Variants in PREB observed in about 807,000 individuals in gnomAD.
PREB encodes the protein prolactin regulatory element binding, also known as guanine nucleotide-exchange factor SEC12.
A neutral mutation model predicts 46.7 loss-of-function variants in PREB; 29 were observed. The ratio of observed to expected loss-of-function variants is 0.62; its 90% CI spans 0.46 to 0.85. The LOEUF (loss-of-function observed/expected upper bound fraction) is 0.85, where lower values mean the gene tolerates loss of function less well. PREB is among the 40% of genes least tolerant of loss of function. The probability of loss-of-function intolerance (pLI) is 0.00; values close to 1 mark genes in which losing one functional copy is unlikely to be tolerated. For synonymous variants in PREB, 224 were observed against 220.1 expected, an observed-to-expected ratio of 1.02 and a Z score of -0.16; for missense variants, 494 against 528.4, an observed-to-expected ratio of 0.93 and a Z score of 0.64.
Position 27,133,105 on chromosome 2 carries a change from G to A in PREB, c.546+12C>T, listed in dbSNP as rs1672351910. The A allele has an allele frequency of 6.2e-7, 1 of 1,613,316 alleles. No individual in the cohort carries two copies. Among genetic ancestry groups the A allele is most frequent in the East Asian group, 2.2e-5 (1 of 44,884 alleles). On this transcript the variant is annotated intron_variant, in intron 3 of 8. Transcript: ENST00000260643. ...ACTGACATTCACCCTCCCTAACCCT[G>A]CAAACCCACACCTTCCAGACACGGA... is the stretch of plus-strand genomic sequence containing the variant.
chr2:27,134,129 G>T, intron 1 of PREB, 158 bp downstream of exon 1: 1 of 985,418 alleles, frequency 1.0e-6, no homozygotes, highest in Non-Finnish European at 1.4e-6. Flanking sequence ...CTGAGTTCTC[G>T]ACTGAAATTC....
rs1201818896 is a variant in PREB, at chr2:27,133,602, C to T, written c.255G>A (p.Gly85=). 3.1e-6 allele frequency: 5 copies of T among 1,614,166 alleles called. No individual in the cohort carries two copies. The highest frequency in any genetic ancestry group is 4.2e-6 in the Non-Finnish European group (5 of 1,180,014). The stretch of plus-strand genomic sequence containing the variant: ...GCAGGAGCTGACAGTGGGCATCCTG[C>T]CCTGCAGCAAGGATGTCACCAGCCA... ...LALAGDILAA[G]QDAHCQLLRF... is the part of the protein sequence containing the mutation. The change falls in exon 2 of 9, where the codon GGG becomes GGA. Residue 85 remains glycine (G), a synonymous_variant. Transcript: ENST00000260643.
chr2:27,134,179 T>C, intron 1 of PREB, 108 bp downstream of exon 1: 1 of 1,347,582 alleles, frequency 7.4e-7, no homozygotes, highest in Non-Finnish European at 9.8e-7. Flanking sequence ...CCAACAGAAG[T>C]GGGCAGGGCC....
chr2:27,133,613 G>A lies in PREB; in HGVS notation c.244C>T (p.Leu82Phe). 1 of 1,614,194 alleles carries A rather than the reference G, an allele frequency of 6.2e-7. No homozygotes were observed. Among genetic ancestry groups the A allele is most frequent in the Non-Finnish European group, 8.5e-7 (1 of 1,180,038 alleles). Residue 82 changes from leucine to phenylalanine, a missense_variant, in exon 2 of 9, where the codon CTT becomes TTT. Transcript: ENST00000260643. ...TMNLALAGDI[L>F]AAGQDAHCQL... The stretch of plus-strand genomic sequence containing the variant: ...CAGTGGGCATCCTGCCCTGCAGCAA[G>A]GATGTCACCAGCCAGTGCCAAGTTC...
chr2:27,130,897 G>A lies in PREB; in HGVS notation c.*517C>T. The A allele has an allele frequency of 7.9e-6, 7 of 887,340 alleles. No homozygotes were observed. The highest frequency in any genetic ancestry group is 1.2e-5 in the Non-Finnish European group (7 of 589,040). The allele number at this position is 887,340 out of a possible 1,614,324, so 55.0% of individuals were successfully genotyped here. On this transcript the variant is annotated 3_prime_UTR_variant, in exon 9 of 9. Transcript: ENST00000260643. ...GCATCTTTAGGCCAGCTGGCTTAGT[G>A]CTACCCATCTGAACCCCCAGATTAC...
chr2:27,130,774 T>G lies in PREB; in HGVS notation c.*640A>C. On this transcript the variant is annotated 3_prime_UTR_variant, in exon 9 of 9. Transcript: ENST00000260643. ...AGTACCATTTGGGGTCTCAGTTCAC[T>G]CTTTCCTTGTTTATTAAATATCAAC... 1 of 1,599,860 alleles carries G rather than the reference T, an allele frequency of 6.3e-7. No individual in the cohort carries two copies. The highest frequency in any genetic ancestry group is 8.6e-7 in the Non-Finnish European group (1 of 1,167,778).
rs1672283552 is a variant in PREB, at chr2:27,131,755, G to A, written c.1076C>T (p.Pro359Leu). The A allele has an allele frequency of 6.2e-7, 1 of 1,614,014 alleles. No homozygotes were observed. Among genetic ancestry groups the A allele is most frequent in the African/African-American group, 1.3e-5 (1 of 74,922 alleles). Residue 359 changes from proline (P) to leucine (L), a missense_variant, in exon 8 of 9, where the codon CCA becomes CTA. Transcript: ENST00000260643. ...VAFLPEKGRG[P>L]ELLGSHETAL... ...AGTTTCATGGGACCCAAGGAGCTCT[G>A]GACCACGACCCTTCTCAGGTAGAAA...
chr2:27,132,151 T>TC lies in PREB; in HGVS notation c.927-70dup. The TC allele has an allele frequency of 6.2e-7, 1 of 1,608,432 alleles. No homozygotes were observed. The highest frequency in any genetic ancestry group is 8.5e-7 in the Non-Finnish European group (1 of 1,174,944). ...AGCAACCCTCATACCCCAATACCGG[T>TC]CCGTAGGGACCCAGGCAGGACTCCT... is the stretch of plus-strand genomic sequence containing the variant. On this transcript the variant is annotated intron_variant, in intron 6 of 8. Coordinates refer to ENST00000260643, the MANE Select transcript of PREB (RefSeq NM_013388.6). This position sits in a 1 kb window ranked among gnomAD's most constrained non-coding sequence, Gnocchi z 4.0.
In PREB at chr2:27,132,889, G is replaced by C; in HGVS notation, c.581C>G (p.Ala194Gly). The change falls in exon 4 of 9, where the codon GCC becomes GGC. Residue 194 changes from alanine to glycine, a missense_variant. Ala to Gly is a moderately conservative substitution (Grantham distance 60). Coordinates refer to ENST00000260643, the MANE Select transcript of PREB (RefSeq NM_013388.6). The surrounding 1 kb of genome is among the most constrained non-coding windows in gnomAD (Gnocchi z 4.0). The stretch of plus-strand genomic sequence containing the variant: ...CAGGTCTTCAATCTCCCCTTCGTGG[G>C]CTTTGAACTCCAGAACCTTCTCCAG... Reference protein sequence around the residue: ...PSLEKVLEFKAHEGEIEDLAL... With the variant: ...PSLEKVLEFKGHEGEIEDLAL... 6.2e-7 allele frequency: 1 copy of C among 1,614,044 alleles called. No homozygotes were observed. The highest frequency in any genetic ancestry group is 1.6e-4 in the Middle Eastern group (1 of 6,062).
Position 27,131,109 on chromosome 2 carries a change from G to C in PREB, c.*305C>G. ...TCTTGGGCATCTTCACATGTTTCTA[G>C]ATAAGGACAAGCTCAACTCTGGAGC... On this transcript the variant is annotated 3_prime_UTR_variant, in exon 9 of 9. Transcript: ENST00000260643. The C allele has an allele frequency of 3.9e-6, 2 of 507,614 alleles. No individual in the cohort carries two copies. Among genetic ancestry groups the C allele is most frequent in the Non-Finnish European group, 3.5e-6 (1 of 285,964 alleles). 31.4% of individuals were successfully genotyped at this position (507,614 alleles called of 1,614,324 possible).
At position 27,132,516 on chromosome 2, in the gene PREB, C is replaced by T. The variant is rs948021584; in HGVS notation, c.752+87G>A. 6.3e-6 allele frequency: 10 copies of T among 1,597,954 alleles called. No individual in the cohort carries two copies. The highest frequency in any genetic ancestry group is 8.5e-6 in the Non-Finnish European group (10 of 1,170,722). ...CTGGGGTAACACTCAACAAGTTCCTCCCCAGCTCTCCCATCCCCAGTCTTT... is the reference window on the plus strand; with the variant it reads ...CTGGGGTAACACTCAACAAGTTCCTTCCCAGCTCTCCCATCCCCAGTCTTT... On this transcript the variant is annotated intron_variant, in intron 5 of 8. Transcript: ENST00000260643. The surrounding 1 kb of genome is among the most constrained non-coding windows in gnomAD (Gnocchi z 4.0).
chr2:27,131,060 G>A lies in PREB; in HGVS notation c.*354C>T, dbSNP rs1672239554. On this transcript the variant is annotated 3_prime_UTR_variant, in exon 9 of 9. Coordinates refer to ENST00000260643, the MANE Select transcript of PREB (RefSeq NM_013388.6). ...GGGAGGAGGAGAAACTGTTTCTGCA[G>A]GAAGGACAGCAGTGCCTCCAGGCTC... is the stretch of plus-strand genomic sequence containing the variant. 1.9e-6 allele frequency: 1 copy of A among 517,866 alleles called. No individual in the cohort carries two copies. The highest frequency in any genetic ancestry group is 3.5e-6 in the Non-Finnish European group (1 of 288,394). The allele number at this position is 517,866 out of a possible 1,614,324, so 32.1% of individuals were successfully genotyped here. A position where few individuals can be genotyped will look rare whatever the true frequency, so the allele number is the denominator to read the frequency against.
At position 27,134,614 on chromosome 2, in the gene PREB, A is replaced by C. The variant is rs1049764373; in HGVS notation, c.-193T>G. The C allele has an allele frequency of 1.5e-6, 2 of 1,308,300 alleles. No homozygotes were observed. The highest frequency in any genetic ancestry group is 3.1e-5 in the East Asian group (1 of 32,020). The allele number at this position is 1,308,300 out of a possible 1,614,324, so 81.0% of individuals were successfully genotyped here. A position where few individuals can be genotyped will look rare whatever the true frequency, so the allele number is the denominator to read the frequency against. On this transcript the variant is annotated 5_prime_UTR_variant, in exon 1 of 9. Transcript: ENST00000260643. ...CCGAGCCTCAGCTCGGCTCCGTCCA[A>C]GTCGGTCTCGCAGACGCGCACTGCG...
chr2:27,133,577 G>T lies in PREB; in HGVS notation c.280C>A (p.Arg94Ser). 6.2e-7 allele frequency: 1 copy of T among 1,614,064 alleles called. No individual in the cohort carries two copies. The highest frequency in any genetic ancestry group is 1.1e-5 in the South Asian group (1 of 91,076). Reference sequence around the variant, plus strand: ...CCCTGCTGTTGATGTGCCTGGAAGCGCAGGAGCTGACAGTGGGCATCCTGC... The same window carrying T: ...CCCTGCTGTTGATGTGCCTGGAAGCTCAGGAGCTGACAGTGGGCATCCTGC... ...AGQDAHCQLLRFQAHQQQGNK... is the reference protein window; with the variant it reads ...AGQDAHCQLLSFQAHQQQGNK... Residue 94 changes from arginine (R) to serine (S), a missense_variant, in exon 2 of 9, where the codon CGC (arginine) becomes AGC (serine). By Grantham distance (110) the Arg-to-Ser change is moderately radical. Transcript: ENST00000260643.
In PREB at chr2:27,131,327, G is replaced by A. The variant is rs556040021; in HGVS notation, c.*87C>T. On this transcript the variant is annotated 3_prime_UTR_variant, in exon 9 of 9. Transcript: ENST00000260643. Reference sequence around the variant, plus strand: ...CAGCGGCAACCTCAGCTGTGGACCCGAATGGAGTGAGCAAAGGGAGTCCAG... The same window carrying A: ...CAGCGGCAACCTCAGCTGTGGACCCAAATGGAGTGAGCAAAGGGAGTCCAG... 26 of 1,258,450 alleles carry A rather than the reference G, an allele frequency of 2.1e-5. No homozygotes were observed. Among genetic ancestry groups the A allele is most frequent in the South Asian group, 1.7e-4 (13 of 77,352 alleles). 78.0% of individuals were successfully genotyped at this position (1,258,450 alleles called of 1,614,324 possible).
In PREB at chr2:27,132,272, G is replaced by A; in HGVS notation, c.884C>T (p.Thr295Ile). 1.2e-6 allele frequency: 2 copies of A among 1,614,160 alleles called. No individual in the cohort carries two copies. The highest frequency in any genetic ancestry group is 3.3e-5 in the Admixed American group (2 of 60,022). ...WDGSNFLPLR[T>I]KSCGHEVVSC... Reference sequence around the variant, plus strand: ...GACGACTTCATGGCCACAGGACTTGGTCCGAAGGGGCAAGAAGTTGGAGCC... The same window carrying A: ...GACGACTTCATGGCCACAGGACTTGATCCGAAGGGGCAAGAAGTTGGAGCC... Residue 295 changes from threonine (T) to isoleucine (I), a missense_variant, in exon 6 of 9, where the codon ACC (threonine) becomes ATC (isoleucine). Thr to Ile is a moderately conservative substitution (Grantham distance 89, BLOSUM62 -1). Transcript: ENST00000260643. The surrounding 1 kb of genome is among the most constrained non-coding windows in gnomAD (Gnocchi z 4.0).
Position 27,132,928 on chromosome 2 carries a change from A to G in PREB, c.547-5T>C. ...AACCTTCTCCAGGCTGGGCACCTGT[A>G]GCCAAACAACCACCATGGTTAACTC... is the stretch of plus-strand genomic sequence containing the variant. On this transcript the variant is annotated splice_region_variant and splice_polypyrimidine_tract_variant and intron_variant, in intron 3 of 8. Coordinates refer to ENST00000260643, the MANE Select transcript of PREB (RefSeq NM_013388.6). This position sits in a 1 kb window ranked among gnomAD's most constrained non-coding sequence, Gnocchi z 4.0. The G allele has an allele frequency of 1.2e-6, 2 of 1,613,928 alleles. No individual in the cohort carries two copies. The highest frequency in any genetic ancestry group is 1.3e-5 in the African/African-American group (1 of 74,970).
rs770885905 is a variant in PREB at position 27,132,339 on chromosome 2, G to A, written c.817C>T (p.Arg273Cys). 29 of 1,613,884 alleles carry A rather than the reference G, an allele frequency of 1.8e-5. No individual in the cohort carries two copies. Among genetic ancestry groups the A allele is most frequent in the East Asian group, 4.5e-5 (2 of 44,898 alleles). Residue 273 changes from arginine to cysteine, a missense_variant, in exon 6 of 9, where the codon CGC becomes TGC. Coordinates refer to ENST00000260643, the MANE Select transcript of PREB (RefSeq NM_013388.6). The surrounding 1 kb of genome is among the most constrained non-coding windows in gnomAD (Gnocchi z 4.0). ...TAGCAGGGAGGGGGCTGGCGCAGGC[G>A]CTTGTGGGGAATTTGCACTGTGAAG... ...RLFTVQIPHK[R>C]LRQPPPCYLT...
chr2:27,133,907 T>C (rs1421282776), intron 1 of PREB, 186 bp from the exon 2 acceptor site: 2 of 645,620 alleles, frequency 3.1e-6, no homozygotes, highest in African/African-American at 1.8e-5. Flanking sequence ...ATTACCTCTA[T>C]TTTACAGAAC....
Sources: gnomAD v4.1 joint callset for allele counts on GRCh38, gnomAD v4.1.1 for gene constraint, Gnocchi (gnomAD v3.1) non-coding constraint, MANE v1.5 for transcripts, NCBI Gene and HGNC (gene_info 2026-07-23, HGNC 2026-07-21) for gene names.